FBXO9: variants seen among roughly 807,000 people sequenced by gnomAD.
FBXO9 encodes the protein F-box protein 9.
Under a neutral mutation model 63.7 loss-of-function variants are expected in FBXO9, and 43 were observed. The observed-to-expected ratio is 0.67, with a 90% CI of 0.53 to 0.87. FBXO9 has a LOEUF of 0.87. Ranked by LOEUF, FBXO9 falls within the 40% of genes least tolerant of loss-of-function variation. The pLI is 0.00. For missense variants in FBXO9, 442 were observed against 533.2 expected (o/e 0.83, Z 1.68); for synonymous variants, 156 against 171.7 (o/e 0.91, Z 0.72).
In FBXO9 at chr6:53,086,090, G is replaced by T. The variant is rs562194932; in HGVS notation, c.653+3472G>T. Among the ~76,000 whole-genome samples, 5 of 152,256 alleles carry T rather than the reference G, an allele frequency of 3.3e-5. No homozygotes were observed. The South Asian group carries it at 1.0e-3, about 32-fold the overall frequency. ...CTTGAACCCGGTAGGCGGAGGTTGCGGTGAGCTAAGATCGCACCATTGCGC... is the reference window on the plus strand; with the variant it reads ...CTTGAACCCGGTAGGCGGAGGTTGCTGTGAGCTAAGATCGCACCATTGCGC... On this transcript the variant is annotated intron_variant, in intron 7 of 12. Transcript: ENST00000323557.
At chr6:53,090,114 C>G (rs1385531026) in intron 7 of FBXO9, among the ~76,000 whole-genome samples, 1 of 152,160 alleles carries the variant, frequency 6.6e-6, no homozygotes, top group Non-Finnish European at 1.5e-5. Flanking sequence ...CTACAAAGAT[C>G]ATTAACAAGG....
intron 1 of FBXO9, among the ~76,000 whole-genome samples, chr6:53,068,457 A>G (rs567784990): frequency 2.0e-5 from 3 of 152,290 alleles, no homozygotes; most frequent in African/African-American, 7.2e-5. Context: ...AGCCGATCCA[A>G]TATATAAAAA....
intron 12 of FBXO9, among the ~76,000 whole-genome samples, 192 bp downstream of exon 12, chr6:53,095,856 A>G (rs1178760138): frequency 5.3e-5 from 8 of 152,268 alleles, no homozygotes; most frequent in Non-Finnish European, 1.0e-4. Context: ...TTGAGGAAGC[A>G]GAGCATCTGG....
At chr6:53,093,674 A>G in intron 10 of FBXO9, 113 bp downstream of exon 10, 2 of 918,104 alleles carry the variant, frequency 2.2e-6, no homozygotes, top group Non-Finnish European at 3.3e-6. Flanking sequence ...TTTAAAAGCA[A>G]TCATTCAGGG....
At chr6:53,075,262 A>G (rs960363759) in intron 3 of FBXO9, among the ~76,000 whole-genome samples, 5 of 151,522 alleles carry the variant, frequency 3.3e-5, no homozygotes, top group Admixed American at 6.6e-5. Context: ...TGGCCTCCCA[A>G]ATAGCTGGGA....
Position 53,076,494 on chromosome 6 carries a change from A to T in FBXO9, c.258A>T (p.Glu86Asp), listed in dbSNP as rs1164130938. The T allele has an allele frequency of 6.5e-7, 1 of 1,544,982 alleles. No individual in the cohort carries two copies. Among genetic ancestry groups the T allele is most frequent in the Non-Finnish European group, 8.7e-7 (1 of 1,155,452 alleles). The change falls in exon 4 of 13, where the codon GAA becomes GAT. Residue 86 changes from glutamate (E) to aspartate (D), a missense_variant. Glu to Asp is a conservative substitution (Grantham distance 45). Transcript: ENST00000323557. ...ACTTTATATTTTTATAGGCTCGAGA[A>T]CTCTTCCTAAAAGCAGTAGAAGAAG... ...QEQAKEEKAR[E>D]LFLKAVEEEQ...
At chr6:53,096,539 C>T (rs1581834730) in intron 12 of FBXO9, among the ~76,000 whole-genome samples, 1 of 152,142 alleles carries the variant, frequency 6.6e-6, no homozygotes, top group East Asian at 1.9e-4. Flanking sequence ...TCATCTTTGC[C>T]TACAAATTCT....
intron 11 of FBXO9, among the ~76,000 whole-genome samples, chr6:53,094,440 A>C (rs1473932656): frequency 1.3e-5 from 2 of 152,240 alleles, no homozygotes; most frequent in Non-Finnish European, 2.9e-5. Context: ...TGCCAAGCAA[A>C]TATGATTACT....
Position 53,069,291 on chromosome 6 carries a change from A to G in FBXO9, c.4-1766A>G, listed in dbSNP as rs535675100. ...CAAGTTATATCTGATTGGTATCATT[A>G]AACTTACCTGTGAAGAAGATAACTA... is the stretch of plus-strand genomic sequence containing the variant. On this transcript the variant is annotated intron_variant, in intron 1 of 12. Coordinates refer to ENST00000323557, the MANE Select transcript of FBXO9 (RefSeq NM_033480.3). Among the ~76,000 whole-genome samples, 5 of 152,356 alleles carry G rather than the reference A, an allele frequency of 3.3e-5. No homozygotes were observed. In the South Asian group the frequency reaches 1.0e-3, roughly 32 times the overall value.
chr6:53,072,213 CTT>C (rs34575699), intron 2 of FBXO9, among the ~76,000 whole-genome samples: 109 of 117,544 alleles, frequency 9.3e-4, no homozygotes, highest in East Asian at 1.6e-3. Flanking sequence ...CTAGATACGT[CTT>C]TTTTTAAAAA....
chr6:53,090,200 A>G (rs1249921570), intron 7 of FBXO9, among the ~76,000 whole-genome samples: 1 of 152,170 alleles, frequency 6.6e-6, no homozygotes, highest in Non-Finnish European at 1.5e-5. Flanking sequence ...TATAAGGTTT[A>G]ATGGCCTTTG....
rs375245317 is a variant in FBXO9, at chr6:53,071,155, C to A, written c.90+12C>A. 27 of 1,548,644 alleles carry A rather than the reference C, an allele frequency of 1.7e-5. No individual in the cohort carries two copies. Among genetic ancestry groups the A allele is most frequent in the Admixed American group, 5.9e-5 (3 of 50,998 alleles). On this transcript the variant is annotated intron_variant, in intron 2 of 12. Transcript: ENST00000323557. Reference sequence around the variant, plus strand: ...AAACAGATCTGCAGGCATGTTTCTTCAATTGTGTCTTTGATTTTTATTCCA... The same window carrying A: ...AAACAGATCTGCAGGCATGTTTCTTAAATTGTGTCTTTGATTTTTATTCCA...
At chr6:53,066,067 TGTCCCTTCTCG>T in intron 1 of FBXO9, 2 of 1,217,138 alleles carry the variant, frequency 1.6e-6, no homozygotes, top group Non-Finnish European at 2.0e-6. Context: ...CCGGGGAAAA[TGTCCCTTCTCG>T]GCTCACTGAG....
intron 7 of FBXO9, among the ~76,000 whole-genome samples, chr6:53,083,593 T>C (rs1202919261): frequency 6.6e-6 from 1 of 152,198 alleles, no homozygotes; most frequent in Non-Finnish European, 1.5e-5. Context: ...CAGTCTGAGA[T>C]TGGACAGACA....
intron 7 of FBXO9, among the ~76,000 whole-genome samples, chr6:53,087,548 T>C (rs1762928599): frequency 6.6e-6 from 1 of 151,458 alleles, no homozygotes; most frequent in Non-Finnish European, 1.5e-5. Flanking sequence ...TGTGCAGGAG[T>C]GGTACAGCAA....
At chr6:53,095,299 G>A (rs756667688) in intron 11 of FBXO9, among the ~76,000 whole-genome samples, 45 of 151,290 alleles carry the variant, frequency 3.0e-4, no homozygotes, top group Non-Finnish European at 4.9e-4. Flanking sequence ...TTATTATGAT[G>A]ATTAACTGAG....
In FBXO9 at chr6:53,096,621, C is replaced by CTGAGCAGGTGTGGAGGCTTAT. The variant is rs1763219845; in HGVS notation, c.1205+958_1205+978dup. On this transcript the variant is annotated intron_variant, in intron 12 of 12. Coordinates refer to ENST00000323557, the MANE Select transcript of FBXO9 (RefSeq NM_033480.3). ...TTTTCTACTTTTCAAAGAAAGAAAC[C>CTGAGCAGGTGTGGAGGCTTAT]TGAGCAGGTGTGGAGGCTTATGCCT... Among the ~76,000 whole-genome samples, 10 of 152,038 alleles carry CTGAGCAGGTGTGGAGGCTTAT rather than the reference C, an allele frequency of 6.6e-5. No individual in the cohort carries two copies. In the South Asian group the frequency reaches 2.1e-3, roughly 31 times the overall value.
At chr6:53,072,041 T>G (rs189175256) in intron 2 of FBXO9, among the ~76,000 whole-genome samples, 1 of 152,278 alleles carries the variant, frequency 6.6e-6, no homozygotes, top group Admixed American at 6.5e-5. Flanking sequence ...TAAGTGTGTC[T>G]CACTGCACTT....
Position 53,092,316 on chromosome 6 carries a change from G to A in FBXO9, c.654-113G>A, listed in dbSNP as rs140107411. 60 of 731,632 alleles carry A rather than the reference G, an allele frequency of 8.2e-5. No individual in the cohort carries two copies. In the African/African-American group the frequency reaches 1.1e-3, roughly 13 times the overall value. The allele number at this position is 731,632 out of a possible 1,614,324, so 45.3% of individuals were successfully genotyped here. A position where few individuals can be genotyped will look rare whatever the true frequency, so the allele number is the denominator to read the frequency against. ...TCCATTAGTTTCTCCTCAGAACAGT[G>A]CCTCCCAGGTGTTCAACAAATACTT... is the stretch of plus-strand genomic sequence containing the variant. On this transcript the variant is annotated intron_variant, in intron 7 of 12. Transcript: ENST00000323557.
Sources: gnomAD v4.1 joint callset for allele counts (sites outside exome capture counted in the v4.1 genomes callset) on GRCh38, gnomAD v4.1.1 for gene constraint, MANE v1.5 for transcripts, NCBI Gene and HGNC (gene_info 2026-07-23, HGNC 2026-07-21) for gene names.